The following ZNF804B variants were observed in gnomAD, a reference collection of about 807,000 sequenced individuals.
ZNF804B encodes zinc finger 804B.
In ZNF804B, 80 loss-of-function variants were observed where a neutral mutation model predicts 101.4. The ratio of observed to expected loss-of-function variants is 0.79; its 90% CI spans 0.66 to 0.95. The LOEUF is 0.95. Ranked by LOEUF, ZNF804B falls within the 40% of genes least tolerant of loss-of-function variation. ZNF804B has a pLI of 0.00. For synonymous variants in ZNF804B, 622 were observed against 558.8 expected, an observed-to-expected ratio of 1.11 and a Z score of -1.59; for missense variants, 1,673 against 1,561.9, an observed-to-expected ratio of 1.07 and a Z score of -1.20.
At chr7:88,785,476 C>T (rs532142251) in intron 1 of ZNF804B, among the ~76,000 whole-genome samples, 17 of 152,168 alleles carry the variant, frequency 1.1e-4, no homozygotes, top group Admixed American at 3.3e-4. Flanking sequence ...AGTTCTCATC[C>T]GATCTGTTTC....
chr7:89,044,422 G>T (rs1789070797), intron 1 of ZNF804B, among the ~76,000 whole-genome samples: 1 of 152,174 alleles, frequency 6.6e-6, no homozygotes, highest in African/African-American at 2.4e-5. Context: ...AAAGTGGGGT[G>T]CTGCTGCAAA....
At chr7:89,142,452 C>T (rs746982091) in intron 1 of ZNF804B, among the ~76,000 whole-genome samples, 1 of 151,922 alleles carries the variant, frequency 6.6e-6, no homozygotes, top group Admixed American at 6.6e-5. Flanking sequence ...ATTGCCATGA[C>T]CTTTGCTCTT....
At chr7:89,214,287 A>AT (rs574603956) in intron 1 of ZNF804B, among the ~76,000 whole-genome samples, 5 of 152,088 alleles carry the variant, frequency 3.3e-5, no homozygotes, top group East Asian at 3.9e-4. Flanking sequence ...TATGTCATAC[A>AT]TTTTTTTTCT....
rs186007195 is a variant in ZNF804B, at chr7:88,793,466, A to C, written c.108+33382A>C. Among the ~76,000 whole-genome samples, 1,113 of 152,236 alleles carry C rather than the reference A, an allele frequency of 7.3e-3. 6 individuals are homozygous for C. The highest frequency in any genetic ancestry group is 0.01 in the Non-Finnish European group (687 of 67,974). ...TAAATGATGTTGCATGGAGTAGCAC[A>C]ATGCCACCTGATAATGTATTTTCAT... On this transcript the variant is annotated intron_variant, in intron 1 of 3. Transcript: ENST00000333190.
intron 1 of ZNF804B, among the ~76,000 whole-genome samples, chr7:88,906,584 T>A (rs1792474078): frequency 6.6e-6 from 1 of 152,102 alleles, no homozygotes; most frequent in South Asian, 2.1e-4. Context: ...ATTTTTGTAT[T>A]ATGGTCTGAG....
intron 1 of ZNF804B, among the ~76,000 whole-genome samples, chr7:88,781,857 C>A (rs192934401): frequency 6.6e-6 from 1 of 152,038 alleles, no homozygotes; most frequent in Admixed American, 6.6e-5. Flanking sequence ...CAAAAACCCC[C>A]GCGACACTTT....
At chr7:89,298,433 T>G (rs1790426181) in intron 2 of ZNF804B, among the ~76,000 whole-genome samples, 1 of 149,832 alleles carries the variant, frequency 6.7e-6, no homozygotes, top group African/African-American at 2.5e-5. Context: ...GTTCCCTCTA[T>G]TTCTATAATC....
intron 1 of ZNF804B, among the ~76,000 whole-genome samples, chr7:89,066,806 A>T (rs1427098525): frequency 6.6e-6 from 1 of 151,974 alleles, no homozygotes; most frequent in Non-Finnish European, 1.5e-5. Flanking sequence ...CTTGTTGCCC[A>T]GGCTGGAGTG....
intron 1 of ZNF804B, among the ~76,000 whole-genome samples, chr7:88,807,821 T>A (rs192893765): frequency 3.7e-4 from 57 of 152,322 alleles, no homozygotes; most frequent in African/African-American, 1.3e-3. Flanking sequence ...TAATCAAGTC[T>A]ATTTTACCTT....
intron 1 of ZNF804B, among the ~76,000 whole-genome samples, chr7:88,975,229 G>A (rs547880777): frequency 6.6e-6 from 1 of 151,430 alleles, no homozygotes; most frequent in Admixed American, 6.6e-5. Flanking sequence ...GAATAGTGCT[G>A]CAATAAACAT....
intron 1 of ZNF804B, among the ~76,000 whole-genome samples, chr7:89,073,173 A>G (rs1354253455): frequency 6.6e-6 from 1 of 152,228 alleles, no homozygotes; most frequent in Non-Finnish European, 1.5e-5. Context: ...AAGTCAGCAT[A>G]GGCACCCCAA....
At chr7:88,973,225 A>G (rs1793563619) in intron 1 of ZNF804B, among the ~76,000 whole-genome samples, 1 of 150,520 alleles carries the variant, frequency 6.6e-6, no homozygotes, top group Non-Finnish European at 1.5e-5. Flanking sequence ...GTAATCCATT[A>G]TGTACCTTAA....
At chr7:89,101,965 G>T (rs548942039) in intron 1 of ZNF804B, among the ~76,000 whole-genome samples, 1 of 151,962 alleles carries the variant, frequency 6.6e-6, no homozygotes, top group East Asian at 1.9e-4. Flanking sequence ...TGCAATATTT[G>T]ATTTTCTGCT....
In ZNF804B at chr7:89,327,294, G is replaced by T. The variant is rs758213032; in HGVS notation, c.250-50G>T. 45 of 1,512,726 alleles carry T rather than the reference G, an allele frequency of 3.0e-5. No homozygotes were observed. In the East Asian group the frequency reaches 1.0e-3, roughly 34 times the overall value. The allele number at this position is 1,512,726 out of a possible 1,614,324, so 93.7% of individuals were successfully genotyped here. On this transcript the variant is annotated intron_variant, in intron 2 of 3. Transcript: ENST00000333190. Reference sequence around the variant, plus strand: ...AATAAGGAGCCTTGTGGATGGAAAAGAATATATTATTTATTTATAGTACCT... The same window carrying T: ...AATAAGGAGCCTTGTGGATGGAAAATAATATATTATTTATTTATAGTACCT...
Position 89,337,043 on chromosome 7 carries a change from A to G in ZNF804B, c.*11A>G. 6.2e-7 allele frequency: 1 copy of G among 1,602,434 alleles called. No individual in the cohort carries two copies. The highest frequency in any genetic ancestry group is 8.5e-7 in the Non-Finnish European group (1 of 1,172,444). ...ACACACTTGAACTAATAAGTGTTAA[A>G]GCCCCTCCTGTGGATAATTTTTTTA... On this transcript the variant is annotated 3_prime_UTR_variant, in exon 4 of 4. Coordinates refer to ENST00000333190, the MANE Select transcript of ZNF804B (RefSeq NM_181646.5).
intron 1 of ZNF804B, among the ~76,000 whole-genome samples, chr7:89,159,049 T>C (rs1298014916): frequency 6.6e-6 from 1 of 152,138 alleles, no homozygotes; most frequent in African/African-American, 2.4e-5. Flanking sequence ...TTCTGAGTTA[T>C]TATTCTGAAG....
intron 1 of ZNF804B, among the ~76,000 whole-genome samples, chr7:88,931,691 A>G (rs960454012): frequency 3.3e-5 from 5 of 151,848 alleles, no homozygotes; most frequent in African/African-American, 1.2e-4. Context: ...GCTCCATAAA[A>G]TGAGTCCAGT....
At chr7:89,007,804 A>G (rs528651920) in intron 1 of ZNF804B, among the ~76,000 whole-genome samples, 1 of 151,460 alleles carries the variant, frequency 6.6e-6, no homozygotes, top group Non-Finnish European at 1.5e-5. Context: ...TAAGAGATTC[A>G]GTAAAATCTT....
chr7:89,335,565 A>G lies in ZNF804B; in HGVS notation c.2583A>G (p.Lys861=). The stretch of plus-strand genomic sequence containing the variant: ...GATTGGACTCTTACTCAATAGAGAA[A>G]ATGTATTACTTGAATAAAAGCAAGA... ...HDRLDSYSIE[K]MYYLNKSKRN... Residue 861 remains lysine, a synonymous_variant, in exon 4 of 4, where the codon AAA becomes AAG. Coordinates refer to ENST00000333190, the MANE Select transcript of ZNF804B (RefSeq NM_181646.5). The G allele has an allele frequency of 2.2e-5, 35 of 1,613,926 alleles. No individual in the cohort carries two copies. Among genetic ancestry groups the G allele is most frequent in the Non-Finnish European group, 3.0e-5 (35 of 1,179,952 alleles).
Sources: allele counts gnomAD v4.1 joint callset (sites outside exome capture counted in the v4.1 genomes callset), GRCh38; gene constraint gnomAD v4.1.1; transcripts MANE v1.5; gene names NCBI Gene and HGNC (gene_info 2026-07-23, HGNC 2026-07-21).